The following ESRRG variants were observed in gnomAD, a reference collection of about 807,000 sequenced individuals.
ESRRG encodes the protein estrogen related receptor gamma.
In ESRRG, 13 loss-of-function variants were observed where a neutral mutation model predicts 44.0. The ratio of observed to expected loss-of-function variants is 0.30; its 90% confidence interval spans 0.19 to 0.47. ESRRG has a LOEUF of 0.47. ESRRG is among the 20% of genes least tolerant of loss of function. ESRRG has a pLI of 1.00. For synonymous variants in ESRRG, 215 were observed against 214.6 expected (o/e 1.00, Z -0.02); for missense variants, 395 against 580.6 (o/e 0.68, Z 3.29).
intron 1 of ESRRG, among the ~76,000 whole-genome samples, chr1:217,002,380 TATA>T (rs2077160442): frequency 6.6e-6 from 1 of 151,386 alleles, no homozygotes; most frequent in Non-Finnish European, 1.5e-5. Flanking sequence ...ATGCACATTG[TATA>T]ATATTTATTT....
intron 6 of ESRRG, among the ~76,000 whole-genome samples, chr1:216,514,959 T>TACAC (rs35668576): frequency 0.054 from 8,040 of 149,102 alleles, 245 homozygotes; most frequent in South Asian, 0.094. Flanking sequence ...TTTTACTTTA[T>TACAC]ACACACACAC....
At chr1:216,563,515 A>T (rs1284214948) in intron 5 of ESRRG, among the ~76,000 whole-genome samples, 1 of 152,184 alleles carries the variant, frequency 6.6e-6, no homozygotes, top group Non-Finnish European at 1.5e-5. Flanking sequence ...CTCATCATTC[A>T]AAAACTTGTT....
At chr1:216,709,045 A>G (rs1330482347) in intron 1 of ESRRG, among the ~76,000 whole-genome samples, 1 of 152,070 alleles carries the variant, frequency 6.6e-6, no homozygotes, top group Non-Finnish European at 1.5e-5. Flanking sequence ...GAGGGGAACA[A>G]CACACACTGG....
intron 1 of ESRRG, among the ~76,000 whole-genome samples, chr1:217,026,026 A>G (rs1198628181): frequency 6.6e-6 from 1 of 152,190 alleles, no homozygotes; most frequent in Non-Finnish European, 1.5e-5. Flanking sequence ...GACCCCCAGC[A>G]GAGGACCACC....
chr1:216,655,537 T>TTCACCA (rs1271005661), intron 2 of ESRRG, among the ~76,000 whole-genome samples: 1 of 152,124 alleles, frequency 6.6e-6, no homozygotes, highest in African/African-American at 2.4e-5. Context: ...GTATAAAAAT[T>TTCACCA]TCACCATGAA....
At chr1:216,672,152 C>CAA (rs2075319890) in intron 2 of ESRRG, among the ~76,000 whole-genome samples, 2 of 152,106 alleles carry the variant, frequency 1.3e-5, no homozygotes, top group African/African-American at 4.8e-5. Context: ...ATCACATCCC[C>CAA]AAAATTACTA....
chr1:216,942,455 GT>G (rs1309831242), intron 1 of ESRRG, among the ~76,000 whole-genome samples: 1 of 152,092 alleles, frequency 6.6e-6, no homozygotes, highest in Non-Finnish European at 1.5e-5. Context: ...AGGTTGAATG[GT>G]AGTTCTGTTT....
At chr1:216,520,925 C>T (rs80082063) in intron 5 of ESRRG, among the ~76,000 whole-genome samples, 6,388 of 152,214 alleles carry the variant, frequency 0.042, 190 homozygotes, top group Non-Finnish European at 0.061. Context: ...TTAGAAACTA[C>T]AGCACAGTAA....
rs997252438 is a variant in ESRRG at position 216,504,497 on chromosome 1, T to A, written c.*2442A>T. ...TGAGAAACCACAATCTACAATATAG[T>A]CCCATATAGCTAATGATAGATACAC... On this transcript the variant is annotated 3_prime_UTR_variant, in exon 7 of 7. Coordinates refer to ENST00000408911, the MANE Select transcript of ESRRG (RefSeq NM_001438.4). 1 of 152,554 alleles carries A rather than the reference T, an allele frequency of 6.6e-6. No individual in the cohort carries two copies. Among genetic ancestry groups the A allele is most frequent in the Non-Finnish European group, 1.5e-5 (1 of 68,012 alleles). 9.5% of individuals were successfully genotyped at this position (152,554 alleles called of 1,614,324 possible).
At chr1:216,980,486 C>A (rs2073766895) in intron 1 of ESRRG, among the ~76,000 whole-genome samples, 1 of 152,170 alleles carries the variant, frequency 6.6e-6, no homozygotes, top group Admixed American at 6.5e-5. Flanking sequence ...AGAAATCTAT[C>A]TAATGAGTGA....
At chr1:217,081,706 G>C (rs988595843) in intron 1 of ESRRG, among the ~76,000 whole-genome samples, 2 of 152,092 alleles carry the variant, frequency 1.3e-5, no homozygotes, top group African/African-American at 4.8e-5. Context: ...ACCCTCCCAA[G>C]TAGCTGGGAT....
chr1:216,630,515 T>G (rs1319560817), intron 3 of ESRRG, among the ~76,000 whole-genome samples: 2 of 151,910 alleles, frequency 1.3e-5, no homozygotes, highest in Non-Finnish European at 2.9e-5. Flanking sequence ...CTCTGCCAAA[T>G]TTCAGCTGGG....
intron 1 of ESRRG, among the ~76,000 whole-genome samples, chr1:216,949,223 G>T (rs2066560861): frequency 6.6e-6 from 1 of 152,186 alleles, no homozygotes; most frequent in African/African-American, 2.4e-5. Context: ...CTTTCCTGGT[G>T]ATTCCCTCAT....
intron 1 of ESRRG, among the ~76,000 whole-genome samples, chr1:217,077,856 A>T (rs2091445871): frequency 6.6e-6 from 1 of 152,198 alleles, no homozygotes; most frequent in Non-Finnish European, 1.5e-5. Context: ...CCTAATAAAA[A>T]TTTAGAAGTT....
chr1:216,539,345 A>G (rs1277175836), intron 5 of ESRRG, among the ~76,000 whole-genome samples: 2 of 152,050 alleles, frequency 1.3e-5, no homozygotes, highest in Non-Finnish European at 2.9e-5. Flanking sequence ...CCCTGACATC[A>G]CTTGAAAATA....
chr1:216,531,846 G>A (rs987320993), intron 5 of ESRRG, among the ~76,000 whole-genome samples: 14 of 151,876 alleles, frequency 9.2e-5, no homozygotes, highest in Non-Finnish European at 1.9e-4. Flanking sequence ...TAACCTTCCC[G>A]CTTTGATCTG....
intron 2 of ESRRG, among the ~76,000 whole-genome samples, chr1:216,669,815 G>A (rs1162666734): frequency 1.3e-5 from 2 of 152,110 alleles, no homozygotes; most frequent in East Asian, 3.9e-4. Flanking sequence ...GAACCCAGGA[G>A]GTGGACATTG....
intron 1 of ESRRG, among the ~76,000 whole-genome samples, chr1:217,070,601 G>A (rs2090431691): frequency 1.3e-5 from 2 of 152,118 alleles, no homozygotes; most frequent in African/African-American, 2.4e-5. Context: ...GGTTGGTCTC[G>A]AACCCCTGAC....
intron 1 of ESRRG, among the ~76,000 whole-genome samples, chr1:217,110,086 ACAGT>A (rs1311187330): frequency 6.6e-6 from 1 of 152,150 alleles, no homozygotes; most frequent in East Asian, 1.9e-4. Context: ...CATCTGGAAC[ACAGT>A]CACCAAACAC....
Sources: allele counts gnomAD v4.1 joint callset (sites outside exome capture counted in the v4.1 genomes callset), GRCh38; gene constraint gnomAD v4.1.1; transcripts MANE v1.5; gene names NCBI Gene and HGNC (gene_info 2026-07-23, HGNC 2026-07-21).